ATP2B2: variants seen among roughly 807,000 people sequenced by gnomAD.
ATP2B2 encodes the protein plasma membrane calcium-transporting ATPase 2.
A neutral mutation model predicts 120.0 loss-of-function variants in ATP2B2; 15 were observed. The ratio of observed to expected loss-of-function variants is 0.12; its 90% confidence interval spans 0.08 to 0.19. The LOEUF (loss-of-function observed/expected upper bound fraction) is 0.19, where lower values mean the gene tolerates loss of function less well. Among genes scored for constraint, ATP2B2 ranks in the 10% least tolerant of loss-of-function variants. ATP2B2 has a pLI of 1.00. For synonymous variants in ATP2B2, 694 were observed against 700.3 expected (o/e 0.99, Z 0.14); for missense variants, 1,045 against 1,719.8 (o/e 0.61, Z 6.94).
At chr3:10,378,148 C>G in intron 10 of ATP2B2, 104 bp downstream of exon 10, 1 of 1,470,812 alleles carries the variant, frequency 6.8e-7, no homozygotes, top group Non-Finnish European at 9.1e-7. Flanking sequence ...CTCATTCAAG[C>G]CCCCCACTTT....
intron 2 of ATP2B2, among the ~76,000 whole-genome samples, chr3:10,578,721 C>A (rs117618608): frequency 1.3e-5 from 2 of 152,152 alleles, no homozygotes. Context: ...AAATACTACA[C>A]GGCTCTGAAA....
chr3:10,484,348 C>T (rs1036442792), intron 1 of ATP2B2, among the ~76,000 whole-genome samples: 3 of 152,100 alleles, frequency 2.0e-5, no homozygotes, highest in Non-Finnish European at 2.9e-5. Context: ...CTGCCTCTCC[C>T]GTGGGCACAG....
chr3:10,706,059 G>T (rs151128255), intron 1 of ATP2B2, among the ~76,000 whole-genome samples: 1 of 152,212 alleles, frequency 6.6e-6, no homozygotes, highest in African/African-American at 2.4e-5. Flanking sequence ...GTGTGTCTCT[G>T]AGAGTGCTTA....
intron 8 of ATP2B2, among the ~76,000 whole-genome samples, chr3:10,384,370 T>G (rs1185064160): frequency 6.6e-6 from 1 of 152,216 alleles, no homozygotes; most frequent in Non-Finnish European, 1.5e-5. Context: ...GTTTTCATGA[T>G]GGAGCCCTAA....
chr3:10,388,685 T>C (rs2061756115), intron 5 of ATP2B2, among the ~76,000 whole-genome samples: 1 of 152,212 alleles, frequency 6.6e-6, no homozygotes, highest in Non-Finnish European at 1.5e-5. Context: ...CACTTCCTCC[T>C]TCTGTCTCCT....
intron 1 of ATP2B2, among the ~76,000 whole-genome samples, chr3:10,632,296 A>C (rs2069887410): frequency 6.6e-6 from 1 of 152,180 alleles, no homozygotes; most frequent in African/African-American, 2.4e-5. Flanking sequence ...TCCCATAGAG[A>C]GGCCGCAGTC....
At chr3:10,424,270 T>A (rs2063079968) in intron 2 of ATP2B2, among the ~76,000 whole-genome samples, 1 of 152,216 alleles carries the variant, frequency 6.6e-6, no homozygotes, top group African/African-American at 2.4e-5. Context: ...CTCAGGGTCA[T>A]ACGGCTAAAG....
At chr3:10,553,597 C>T (rs574677782) in intron 2 of ATP2B2, among the ~76,000 whole-genome samples, 1 of 152,280 alleles carries the variant, frequency 6.6e-6, no homozygotes, top group Admixed American at 6.5e-5. Context: ...TAGTCTGATC[C>T]CCATGTTGTG....
chr3:10,517,567 T>C (rs1159854124), intron 3 of ATP2B2, among the ~76,000 whole-genome samples: 1 of 152,196 alleles, frequency 6.6e-6, no homozygotes, highest in African/African-American at 2.4e-5. Context: ...GACAATAGCA[T>C]TGATGATACT....
chr3:10,377,131 T>C (rs1219120537), intron 10 of ATP2B2, among the ~76,000 whole-genome samples: 1 of 152,176 alleles, frequency 6.6e-6, no homozygotes, highest in Non-Finnish European at 1.5e-5. Flanking sequence ...AGTGAGGACT[T>C]TGAAGGCCAT....
chr3:10,357,362 C>A (rs1274225372), intron 14 of ATP2B2, among the ~76,000 whole-genome samples: 2 of 152,162 alleles, frequency 1.3e-5, no homozygotes, highest in Non-Finnish European at 2.9e-5. Context: ...CACTCAGGAT[C>A]ACAGATCTGT....
chr3:10,401,028 T>C lies in ATP2B2; in HGVS notation c.706A>G (p.Ile236Val), dbSNP rs778828310. The C allele has an allele frequency of 4.3e-6, 7 of 1,614,124 alleles. No individual in the cohort carries two copies. The highest frequency in any genetic ancestry group is 5.9e-6 in the Non-Finnish European group (7 of 1,180,022). ...TCTCCAGTTAGGGAGCTTTCATCAA[T>C]CTTGAGGTCATTGCCCTGGATGAAG... ...GLFIQGNDLK[I>V]DESSLTGESD... is the part of the protein sequence containing the mutation. The change falls in exon 5 of 23, where the codon ATT (isoleucine) becomes GTT (valine). Residue 236 changes from isoleucine to valine, a missense_variant. Ile to Val is a conservative substitution (Grantham distance 29, BLOSUM62 3). Around this residue, in one of 11 missense-constraint regions of ATP2B2, gnomAD observed 145 missense variants for 202.0 expected, o/e 0.72. Transcript: ENST00000360273.
At chr3:10,505,710 CTGGGGG>C (rs2066600965), upstream of ATP2B2, 5 of 107,012 alleles carry the variant, frequency 4.7e-5, no homozygotes, top group Admixed American at 1.1e-4. Context: ...CTGCCGGAGG[CTGGGGG>C]ATGGGGGCGG....
intron 2 of ATP2B2, among the ~76,000 whole-genome samples, chr3:10,439,664 A>AT (rs934558200): frequency 1.3e-4 from 20 of 151,622 alleles, no homozygotes; most frequent in African/African-American, 4.4e-4. Context: ...GAGGTTTTCA[A>AT]TTTTTTTTTC....
At chr3:10,362,127 C>A (rs532313215) in intron 12 of ATP2B2, among the ~76,000 whole-genome samples, 139 of 152,356 alleles carry the variant, frequency 9.1e-4, no homozygotes, top group African/African-American at 3.2e-3. Context: ...TAGAGAGATT[C>A]TGAAGACGAA....
chr3:10,695,225 T>G (rs2071723957), intron 1 of ATP2B2, among the ~76,000 whole-genome samples: 2 of 130,644 alleles, frequency 1.5e-5, no homozygotes, highest in Non-Finnish European at 3.1e-5. Context: ...CTTACATGGA[T>G]GGTAGCAGGC....
At chr3:10,464,274 G>A (rs551730479) in intron 1 of ATP2B2, among the ~76,000 whole-genome samples, 9 of 152,274 alleles carry the variant, frequency 5.9e-5, no homozygotes, top group African/African-American at 2.2e-4. Flanking sequence ...GTGGGGGTGG[G>A]GGCTGCTAGC....
chr3:10,403,722 G>A (rs375606755), intron 3 of ATP2B2, among the ~76,000 whole-genome samples: 124 of 152,332 alleles, frequency 8.1e-4, no homozygotes, highest in South Asian at 2.3e-3. Context: ...TACCCTGCAA[G>A]GCCTGCTGTG....
At chr3:10,413,790 G>T (rs1440810778) in intron 2 of ATP2B2, among the ~76,000 whole-genome samples, 1 of 152,198 alleles carries the variant, frequency 6.6e-6, no homozygotes, top group African/African-American at 2.4e-5. Flanking sequence ...TAGACTTTCT[G>T]GGAGGGGAAG....
Sources: allele counts gnomAD v4.1 joint callset (sites outside exome capture counted in the v4.1 genomes callset), GRCh38; gene constraint gnomAD v4.1.1; regional missense constraint gnomAD v4.1.1; transcripts MANE v1.5; gene names NCBI Gene and HGNC (gene_info 2026-07-23, HGNC 2026-07-21).